CEP72: variants seen among roughly 807,000 people sequenced by gnomAD.
CEP72 encodes the protein centrosomal protein of 72 kDa.
A neutral mutation model predicts 65.7 loss-of-function variants in CEP72; 78 were observed. The observed-to-expected ratio is 1.19, with a 90% CI of 0.99 to 1.43. The LOEUF (loss-of-function observed/expected upper bound fraction) is 1.43. Among genes scored for constraint, CEP72 ranks in the 40% most tolerant of loss-of-function variants. The pLI is 0.00. For synonymous variants in CEP72, 358 were observed against 351.7 expected (o/e 1.02, Z -0.20); for missense variants, 914 against 832.9 (o/e 1.10, Z -1.20).
chr5:666,490 C>T (rs1435958307), intron 4 of CEP72, among the ~76,000 whole-genome samples: 2 of 152,206 alleles, frequency 1.3e-5, no homozygotes, highest in Non-Finnish European at 2.9e-5. Context: ...CCTGCTGGGG[C>T]CCCGGCTCTG....
rs776619865 is a variant in CEP72, at chr5:620,195, G to A, written c.337G>A (p.Val113Met). ...LVDVDFRLNPVVKVEPDYRLF... is the reference protein window; with the variant it reads ...LVDVDFRLNPMVKVEPDYRLF... ...GGATGTGGACTTCCGGCTGAACCCCGTGGTGAAGGTTGAGCCTGACTACCG... is the reference window on the plus strand; with the variant it reads ...GGATGTGGACTTCCGGCTGAACCCCATGGTGAAGGTTGAGCCTGACTACCG... Residue 113 changes from valine to methionine, a missense_variant, in exon 3 of 12, where the codon GTG (valine) becomes ATG (methionine). Transcript: ENST00000264935. 21 of 1,614,178 alleles carry A rather than the reference G, an allele frequency of 1.3e-5. 1 individual carries two copies. In the South Asian group the frequency reaches 1.5e-4, roughly 12 times the overall value.
the CEP72 span, chr5:675,799 G>C: frequency 1.3e-5 from 2 of 152,296 alleles, no homozygotes; most frequent in Non-Finnish European, 2.9e-5. Flanking sequence ...GTTGGCAAAT[G>C]ATGGCCCTTT....
Position 623,282 on chromosome 5 carries a change from G to A in CEP72, c.404-1189G>A, listed in dbSNP as rs1256854024. Among the ~76,000 whole-genome samples the A allele has an allele frequency of 3.9e-5, 6 of 152,250 alleles. No homozygotes were observed. The highest frequency in any genetic ancestry group is 8.8e-5 in the Non-Finnish European group (6 of 68,044). On this transcript the variant is annotated intron_variant, in intron 3 of 11. Coordinates refer to ENST00000264935, the MANE Select transcript of CEP72 (RefSeq NM_018140.4). This position sits in a 1 kb window ranked among gnomAD's most constrained non-coding sequence, Gnocchi z 5.3. ...TGCAGTGGCGCTGGCAGTCAGAGGC[G>A]CTGCGGGAACCACGGAGGTGCGGGG...
chr5:637,939 G>A (rs1167647840), intron 7 of CEP72, 121 bp downstream of exon 7: 8 of 968,794 alleles, frequency 8.3e-6, no homozygotes, highest in Non-Finnish European at 1.2e-5. Context: ...CCTGATGCAG[G>A]GCTGTTACGG....
chr5:672,211 G>A, the CEP72 span, among the ~76,000 whole-genome samples: 21 of 152,138 alleles, frequency 1.4e-4, no homozygotes, highest in South Asian at 2.1e-3. Context: ...CCGGCTGGCC[G>A]GGGGGGTGTA....
chr5:625,535 G>A (rs1055286196), intron 4 of CEP72, among the ~76,000 whole-genome samples: 2 of 152,194 alleles, frequency 1.3e-5, no homozygotes, highest in African/African-American at 2.4e-5. Flanking sequence ...CACGCACAGC[G>A]CAGGCAGGGG....
chr5:675,598 G>A, the CEP72 span, among the ~76,000 whole-genome samples: 1 of 151,216 alleles, frequency 6.6e-6, no homozygotes, highest in Non-Finnish European at 1.5e-5. Flanking sequence ...GTGCAGCATG[G>A]GGGGTACAGT....
At chr5:670,931 C>T (rs896763506), downstream of CEP72, among the ~76,000 whole-genome samples, 2 of 152,218 alleles carry the variant, frequency 1.3e-5, no homozygotes, top group African/African-American at 2.4e-5. Context: ...CTCAGGAAAC[C>T]GGAGCCCTTC....
At chr5:670,382 A>C (rs1740175603), downstream of CEP72, among the ~76,000 whole-genome samples, 1 of 152,164 alleles carries the variant, frequency 6.6e-6, no homozygotes, top group South Asian at 2.1e-4. Flanking sequence ...AGAGGCTGCC[A>C]CAGGTGGGAA....
chr5:659,158 G>A (rs1026995858), downstream of CEP72, among the ~76,000 whole-genome samples: 5 of 152,364 alleles, frequency 3.3e-5, no homozygotes, highest in South Asian at 2.1e-4. Flanking sequence ...GCATGTGTGC[G>A]TTTAGTCCAT....
chr5:633,813 A>C lies in CEP72; in HGVS notation c.557A>C (p.Gln186Pro), dbSNP rs745908450. The C allele has an allele frequency of 1.2e-6, 2 of 1,614,118 alleles. No individual in the cohort carries two copies. The highest frequency in any genetic ancestry group is 2.2e-5 in the South Asian group (2 of 91,086). The part of the protein sequence containing the change: ...RAKCTEALAK[Q>P]SLVMDADDEA... Reference sequence around the variant, plus strand: ...AAGTGCACCGAGGCCTTGGCCAAGCAGAGCCTGGTCATGGATGCGGATGAC... The same window carrying C: ...AAGTGCACCGAGGCCTTGGCCAAGCCGAGCCTGGTCATGGATGCGGATGAC... Residue 186 changes from glutamine to proline, a missense_variant, in exon 5 of 12, where the codon CAG becomes CCG. Physicochemically the swap from Gln to Pro is moderately conservative, Grantham distance 76 (BLOSUM62 -1). Transcript: ENST00000264935.
downstream of CEP72, among the ~76,000 whole-genome samples, chr5:657,681 G>A (rs962992092): frequency 1.2e-4 from 18 of 152,304 alleles, no homozygotes; most frequent in African/African-American, 4.1e-4. Flanking sequence ...GGCTGGGGCC[G>A]TGTGACTACT....
At position 652,717 on chromosome 5, in the gene CEP72, A is replaced by G. The variant is rs1158011788; in HGVS notation, c.1779-271A>G. Among the ~76,000 whole-genome samples, 4 of 152,250 alleles carry G rather than the reference A, an allele frequency of 2.6e-5. No individual in the cohort carries two copies. The East Asian group carries it at 7.7e-4, about 29-fold the overall frequency. ...TAGCCAAGGCGCCATTCAGTCACTCATTAGCCTGTTCAGCTCATTCATTCA... is the reference window on the plus strand; with the variant it reads ...TAGCCAAGGCGCCATTCAGTCACTCGTTAGCCTGTTCAGCTCATTCATTCA... On this transcript the variant is annotated intron_variant, in intron 11 of 11. Coordinates refer to ENST00000264935, the MANE Select transcript of CEP72 (RefSeq NM_018140.4).
exon 5 of CEP72, chr5:667,079 C>T (rs1739948395): frequency 6.6e-6 from 1 of 152,164 alleles, no homozygotes; most frequent in Non-Finnish European, 1.5e-5. Context: ...CCCATAAAAC[C>T]CCAGCAAGCC....
the CEP72 span, among the ~76,000 whole-genome samples, chr5:675,576 G>A: frequency 1.4e-5 from 2 of 146,462 alleles, no homozygotes; most frequent in African/African-American, 5.0e-5. Context: ...TGGGGGTGCG[G>A]TGTGGCCAGG....
Position 640,141 on chromosome 5 carries a change from G to T in CEP72, c.1343-267G>T, listed in dbSNP as rs533684024. ...TGTGGAAGGCGCAGCGAGTTGTGGC[G>T]GCGCCACTGAAACCTTGAGACGTGG... On this transcript the variant is annotated intron_variant, in intron 8 of 11. Transcript: ENST00000264935. 2.6e-4 allele frequency among the ~76,000 whole-genome samples: 39 copies of T among 152,276 alleles called. 1 individual carries two copies. In the East Asian group the frequency reaches 7.5e-3, roughly 29 times the overall value.
intron 4 of CEP72, among the ~76,000 whole-genome samples, chr5:627,156 ATTGAC>A (rs1409467957): frequency 2.0e-5 from 3 of 152,150 alleles, no homozygotes; most frequent in African/African-American, 7.2e-5. Context: ...GTTATTAACT[ATTGAC>A]TTGATTTCTT....
the CEP72 span, among the ~76,000 whole-genome samples, chr5:675,375 G>A: frequency 8.2e-6 from 1 of 122,636 alleles, no homozygotes; most frequent in Non-Finnish European, 1.7e-5. Flanking sequence ...GTGTGGCCGG[G>A]GGTGCAGCGC....
intron 3 of CEP72, among the ~76,000 whole-genome samples, chr5:620,869 C>T (rs1007249849): frequency 2.0e-5 from 3 of 152,218 alleles, no homozygotes; most frequent in Non-Finnish European, 2.9e-5. Context: ...AGGTCACCTT[C>T]CCATCTGCCT....
Sources: gnomAD v4.1 joint callset for allele counts (sites outside exome capture counted in the v4.1 genomes callset) on GRCh38, gnomAD v4.1.1 for gene constraint, Gnocchi (gnomAD v3.1) non-coding constraint, MANE v1.5 for transcripts, NCBI Gene and HGNC (gene_info 2026-07-23, HGNC 2026-07-21) for gene names.